Variants in AKAP10 observed in about 807,000 individuals in gnomAD.
The protein encoded by AKAP10 is A-kinase anchor protein 10, mitochondrial.
Under a neutral mutation model 80.8 loss-of-function variants are expected in AKAP10, and 24 were observed. The ratio of observed to expected loss-of-function variants is 0.30; its 90% CI spans 0.22 to 0.42. The LOEUF is 0.42. Ranked by LOEUF, AKAP10 falls within the 10% of genes least tolerant of loss-of-function variation. The pLI is 1.00. For synonymous variants in AKAP10, 291 were observed against 277.7 expected (o/e 1.05, Z -0.48); for missense variants, 661 against 794.9 (o/e 0.83, Z 2.03).
At chr17:19,928,777 G>A (rs879438783) in intron 10 of AKAP10, among the ~76,000 whole-genome samples, 2 of 152,178 alleles carry the variant, frequency 1.3e-5, no homozygotes, top group Admixed American at 6.5e-5. Context: ...GGCTGAGGCA[G>A]GAGAACTGCT....
At chr17:19,975,376 C>G (rs1472823974) in intron 1 of AKAP10, among the ~76,000 whole-genome samples, 1 of 152,180 alleles carries the variant, frequency 6.6e-6, no homozygotes, top group African/African-American at 2.4e-5. Context: ...TCACCCAACA[C>G]TTGCCTACAT....
intron 5 of AKAP10, among the ~76,000 whole-genome samples, chr17:19,945,279 CTGCT>C (rs1197730731): frequency 6.6e-6 from 1 of 152,106 alleles, no homozygotes; most frequent in African/African-American, 2.4e-5. Flanking sequence ...TGACTTGAAA[CTGCT>C]TCCTTTTTAT....
chr17:19,943,696 A>C (rs2043073384), intron 5 of AKAP10, among the ~76,000 whole-genome samples: 1 of 152,244 alleles, frequency 6.6e-6, no homozygotes, highest in Non-Finnish European at 1.5e-5. Flanking sequence ...GAACCCAAGG[A>C]GGGGACTGTG....
rs771678239 is a variant in AKAP10 at position 19,920,123 on chromosome 17, A to G, written c.1752-5T>C. On this transcript the variant is annotated splice_polypyrimidine_tract_variant and splice_region_variant and intron_variant, in intron 11 of 14. Coordinates refer to ENST00000225737, the MANE Select transcript of AKAP10 (RefSeq NM_007202.4). ...ACTCTTCCAAATGTCATCTTCCTAAATAAGAATGAACAGAAGACTTTAACT... is the reference window on the plus strand; with the variant it reads ...ACTCTTCCAAATGTCATCTTCCTAAGTAAGAATGAACAGAAGACTTTAACT... The G allele has an allele frequency of 6.3e-6, 10 of 1,599,262 alleles. No homozygotes were observed. Among genetic ancestry groups the G allele is most frequent in the Non-Finnish European group, 8.6e-6 (10 of 1,166,972 alleles).
intron 11 of AKAP10, among the ~76,000 whole-genome samples, chr17:19,923,464 G>T (rs190757213): frequency 6.6e-6 from 1 of 152,238 alleles, no homozygotes; most frequent in East Asian, 1.9e-4. Flanking sequence ...ATACAATGTG[G>T]TCAAACAAAC....
intron 1 of AKAP10, among the ~76,000 whole-genome samples, chr17:19,971,535 A>T (rs973021892): frequency 6.6e-6 from 1 of 152,066 alleles, no homozygotes; most frequent in East Asian, 1.9e-4. Flanking sequence ...TTAATTACAC[A>T]AATGACACTC....
chr17:19,919,588 G>A (rs893360218), intron 12 of AKAP10, among the ~76,000 whole-genome samples: 1 of 151,850 alleles, frequency 6.6e-6, no homozygotes, highest in African/African-American at 2.4e-5. Flanking sequence ...GGAGGATGAG[G>A]CAGGAAAATC....
rs1218141001 is a variant in AKAP10, at chr17:19,931,953, C to T, written c.1493G>A (p.Ser498Asn). Residue 498 changes from serine to asparagine, a missense_variant, in exon 10 of 15, where the codon AGC becomes AAC. Ser to Asn is a conservative substitution (Grantham distance 46, BLOSUM62 1). Transcript: ENST00000225737. ...ATTCAAATATTTATAATAAAGATTG[C>T]TGGACAAAAAGCCAGGCAAAAAGAC... The part of the protein sequence containing the change: ...EKVFLPGFLS[S>N]NLYYKYLNDL... 6.2e-7 allele frequency: 1 copy of T among 1,612,824 alleles called. No individual in the cohort carries two copies. Among genetic ancestry groups the T allele is most frequent in the Non-Finnish European group, 8.5e-7 (1 of 1,179,610 alleles).
intron 3 of AKAP10, among the ~76,000 whole-genome samples, chr17:19,959,998 G>A (rs2043328957): frequency 6.6e-6 from 1 of 152,156 alleles, no homozygotes; most frequent in Non-Finnish European, 1.5e-5. Context: ...TGTAATTCCA[G>A]TACTTTAGGA....
chr17:19,932,431 C>G (rs369029066), intron 9 of AKAP10, among the ~76,000 whole-genome samples: 1 of 141,664 alleles, frequency 7.1e-6, no homozygotes, highest in African/African-American at 2.7e-5. Flanking sequence ...CCAGCCTGGA[C>G]GCTGGAGCAA....
chr17:19,934,380 C>T (rs1397141306), intron 9 of AKAP10, among the ~76,000 whole-genome samples: 2 of 151,846 alleles, frequency 1.3e-5, no homozygotes, highest in Non-Finnish European at 2.9e-5. Flanking sequence ...CAGGGTCTTG[C>T]TCTGTCACCA....
intron 8 of AKAP10, 78 bp downstream of exon 8, chr17:19,939,635 T>A: frequency 6.6e-7 from 1 of 1,509,454 alleles, no homozygotes; most frequent in Non-Finnish European, 9.0e-7. Context: ...AGAGACTGAG[T>A]TTATTCATCT....
At chr17:19,959,934 C>T (rs1026506315) in intron 3 of AKAP10, among the ~76,000 whole-genome samples, 1 of 152,140 alleles carries the variant, frequency 6.6e-6, no homozygotes, top group African/African-American at 2.4e-5. Flanking sequence ...ATGCTAGATT[C>T]ACATGAAGTT....
At chr17:19,906,352 C>A in intron 14 of AKAP10, 120 bp from the exon 15 acceptor site, 1 of 1,077,014 alleles carries the variant, frequency 9.3e-7, no homozygotes, top group Non-Finnish European at 1.3e-6. Context: ...TTTAAGACAG[C>A]CAGAAGCTGA....
rs185984026 is a variant in AKAP10 at position 19,955,237 on chromosome 17, A to G, written c.877+2777T>C. ...ACGCTGTCTCAAAAAAAAAAATAAG[A>G]AAAAAAAAGAGAAAAGGCAAAGCTA... On this transcript the variant is annotated intron_variant, in intron 4 of 14. Transcript: ENST00000225737. Among the ~76,000 whole-genome samples, 1,181 of 151,252 alleles carry G rather than the reference A, an allele frequency of 7.8e-3. 8 individuals carry two copies. The highest frequency in any genetic ancestry group is 0.014 in the Middle Eastern group (4 of 292).
intron 5 of AKAP10, among the ~76,000 whole-genome samples, chr17:19,946,254 T>TATATA (rs2043119979): frequency 4.0e-5 from 1 of 24,790 alleles, no homozygotes; most frequent in South Asian, 1.1e-3. Flanking sequence ...TATATATATA[T>TATATA]ATATATATAT....
At chr17:19,946,187 T>C (rs2043104114) in intron 5 of AKAP10, among the ~76,000 whole-genome samples, 1 of 94,864 alleles carries the variant, frequency 1.1e-5, no homozygotes, top group South Asian at 2.8e-4. Flanking sequence ...TATATGCATA[T>C]ATACTAATAC....
chr17:19,939,919 AG>A, intron 7 of AKAP10, 70 bp from the exon 8 acceptor site: 1 of 1,500,874 alleles, frequency 6.7e-7, no homozygotes. Context: ...CTAATCTATA[AG>A]CTCAAATATT....
At chr17:19,909,799 G>T in intron 13 of AKAP10, 127 bp downstream of exon 13, 1 of 752,616 alleles carries the variant, frequency 1.3e-6, no homozygotes, top group Non-Finnish European at 2.2e-6. Context: ...TACATTCTGG[G>T]TAAGAGAACA....
Sources: gnomAD v4.1 joint callset for allele counts (sites outside exome capture counted in the v4.1 genomes callset) on GRCh38, gnomAD v4.1.1 for gene constraint, MANE v1.5 for transcripts, NCBI Gene and HGNC (gene_info 2026-07-23, HGNC 2026-07-21) for gene names.